The following PODXL2 variants were observed in gnomAD, a reference collection of about 807,000 sequenced individuals.
PODXL2 encodes the protein podocalyxin-like protein 2.
In PODXL2, 17 loss-of-function variants were observed where a neutral mutation model predicts 53.4. The ratio of observed to expected loss-of-function variants is 0.32; its 90% confidence interval spans 0.22 to 0.48. The LOEUF (loss-of-function observed/expected upper bound fraction) is 0.48. Among genes scored for constraint, PODXL2 ranks in the 20% least tolerant of loss-of-function variants. The pLI is 0.99. For missense variants in PODXL2, 673 were observed against 760.0 expected (o/e 0.89, Z 1.35); for synonymous variants, 311 against 306.7 (o/e 1.01, Z -0.15).
rs1044318104 is a variant in PODXL2, at chr3:127,629,608, G to C, written c.70+319G>C. 2.0e-5 allele frequency among the ~76,000 whole-genome samples: 3 copies of C among 152,048 alleles called. No individual in the cohort carries two copies. Among genetic ancestry groups the C allele is most frequent in the Non-Finnish European group, 4.4e-5 (3 of 67,964 alleles). On this transcript the variant is annotated intron_variant, in intron 1 of 7. Coordinates refer to ENST00000342480, the MANE Select transcript of PODXL2 (RefSeq NM_015720.4). The surrounding 1 kb of genome is among the most constrained non-coding windows in gnomAD (Gnocchi z 6.4). ...CCTCGCGGGCCGGGGGGGCGCGCAC[G>C]TGTGGGTGTGCATGTGTGTGCGTGT...
At chr3:127,650,872 G>A (rs1438736742) in intron 2 of PODXL2, among the ~76,000 whole-genome samples, 1 of 152,036 alleles carries the variant, frequency 6.6e-6, no homozygotes, top group Non-Finnish European at 1.5e-5. Context: ...TTTTAGCCAG[G>A]ATGGTCTCCA....
chr3:127,634,585 G>T (rs2074566151), intron 1 of PODXL2, among the ~76,000 whole-genome samples: 1 of 140,224 alleles, frequency 7.1e-6, no homozygotes, highest in South Asian at 2.3e-4. Flanking sequence ...AATTAGCTGG[G>T]CGTGGTGGCA....
At position 127,666,362 on chromosome 3, in the gene PODXL2, C is replaced by CT. The variant is rs58975531; in HGVS notation, c.1207-2064dup. 3.5e-3 allele frequency among the ~76,000 whole-genome samples: 493 copies of CT among 142,846 alleles called. 1 individual carries two copies. Among genetic ancestry groups the CT allele is most frequent in the African/African-American group, 6.3e-3 (242 of 38,270 alleles). 93.7% of individuals were successfully genotyped at this position (142,846 alleles called of 152,430 possible). ...GAAACTGAGGCTCAGAGAGGTACTT[C>CT]TTTTTTTTTTTTTTTGCTGACATCA... On this transcript the variant is annotated intron_variant, in intron 4 of 7. Transcript: ENST00000342480.
intron 2 of PODXL2, among the ~76,000 whole-genome samples, chr3:127,643,683 GGCTGGAGT>G (rs954197724): frequency 6.6e-6 from 1 of 151,564 alleles, no homozygotes; most frequent in Non-Finnish European, 1.5e-5. Flanking sequence ...TTGTACCTCA[GGCTGGAGT>G]GCAGCAGCAC....
intron 2 of PODXL2, among the ~76,000 whole-genome samples, chr3:127,644,111 T>A (rs1466328478): frequency 6.6e-6 from 1 of 152,060 alleles, no homozygotes; most frequent in Admixed American, 6.6e-5. Flanking sequence ...AAATGATATT[T>A]TGTTGCTGTT....
intron 1 of PODXL2, among the ~76,000 whole-genome samples, chr3:127,638,844 C>T (rs1374114630): frequency 1.3e-5 from 2 of 152,226 alleles, no homozygotes; most frequent in East Asian, 1.9e-4. Flanking sequence ...ACACTGTGTT[C>T]GTCCAATCAT....
intron 2 of PODXL2, among the ~76,000 whole-genome samples, chr3:127,644,187 C>G (rs1559874105): frequency 6.6e-6 from 1 of 152,186 alleles, no homozygotes; most frequent in Non-Finnish European, 1.5e-5. Context: ...TCTCTGCTTA[C>G]TGCAACCTCT....
At chr3:127,665,706 G>C (rs556340403) in intron 4 of PODXL2, among the ~76,000 whole-genome samples, 2 of 152,194 alleles carry the variant, frequency 1.3e-5, no homozygotes, top group African/African-American at 4.8e-5. Flanking sequence ...TCCTGAAATA[G>C]AGCTTCCATG....
rs369272880 is a variant in PODXL2 at position 127,660,736 on chromosome 3, G to A, written c.708G>A (p.Glu236=). 1.1e-5 allele frequency: 18 copies of A among 1,614,068 alleles called. No homozygotes were observed. In the East Asian group the frequency reaches 3.8e-4, roughly 34 times the overall value. The change falls in exon 3 of 8, where the codon GAG becomes GAA. Residue 236 remains glutamate (E), a synonymous_variant. Coordinates refer to ENST00000342480, the MANE Select transcript of PODXL2 (RefSeq NM_015720.4). ...GDQASSGVEV[E]SSMGPSLLLP... is the part of the protein sequence containing the mutation. ...AGGCCTCATCAGGTGTGGAGGTGGA[G>A]AGCAGCATGGGGCCCAGCTTGCTGC...
At chr3:127,671,357 A>C in intron 6 of PODXL2, 77 bp from the exon 7 acceptor site, 1 of 1,310,980 alleles carries the variant, frequency 7.6e-7, no homozygotes, top group Non-Finnish European at 1.1e-6. Flanking sequence ...TCCCCACCCG[A>C]GCCCAATGCA....
At chr3:127,642,524 AG>A (rs1410608957) in intron 2 of PODXL2, among the ~76,000 whole-genome samples, 1 of 152,090 alleles carries the variant, frequency 6.6e-6, no homozygotes, top group Non-Finnish European at 1.5e-5. Context: ...GAAGGGATGA[AG>A]ATGGGAGCCT....
Position 127,672,558 on chromosome 3 carries a change from A to G in PODXL2, c.*78A>G. 1 of 977,298 alleles carries G rather than the reference A, an allele frequency of 1.0e-6. No homozygotes were observed. Among genetic ancestry groups the G allele is most frequent in the South Asian group, 1.9e-5 (1 of 53,566 alleles). 60.5% of individuals were successfully genotyped at this position (977,298 alleles called of 1,614,324 possible). A position where few individuals can be genotyped will look rare whatever the true frequency, so the allele number is the denominator to read the frequency against. On this transcript the variant is annotated 3_prime_UTR_variant, in exon 8 of 8. Coordinates refer to ENST00000342480, the MANE Select transcript of PODXL2 (RefSeq NM_015720.4). ...CCGAAACGGACGGCCCGGAGCCCGC[A>G]CCAGCCCCGCGCCTACCCGGGCCGC... is the stretch of plus-strand genomic sequence containing the variant.
chr3:127,662,169 G>T, intron 3 of PODXL2, 68 bp from the exon 4 acceptor site: 1 of 1,395,968 alleles, frequency 7.2e-7, no homozygotes, highest in South Asian at 1.2e-5. Flanking sequence ...CCTCCGACCG[G>T]GGCTCTCTCC....
At chr3:127,648,163 A>G (rs1438385457) in intron 2 of PODXL2, among the ~76,000 whole-genome samples, 1 of 152,226 alleles carries the variant, frequency 6.6e-6, no homozygotes, top group African/African-American at 2.4e-5. Context: ...GGCAGAGCTA[A>G]ATCTCAAATC....
chr3:127,671,634 G>C, intron 7 of PODXL2, 21 bp downstream of exon 7: 1 of 1,608,356 alleles, frequency 6.2e-7, no homozygotes, highest in Admixed American at 1.7e-5. Context: ...GGACAGGTGG[G>C]GCTGGGGGCC....
intron 2 of PODXL2, among the ~76,000 whole-genome samples, chr3:127,651,231 C>G (rs563302894): frequency 6.6e-6 from 1 of 152,224 alleles, no homozygotes; most frequent in South Asian, 2.1e-4. Flanking sequence ...CCATTGCACT[C>G]CAGCCTGGGC....
chr3:127,663,501 G>A (rs1345264663), intron 4 of PODXL2, among the ~76,000 whole-genome samples: 7 of 152,178 alleles, frequency 4.6e-5, no homozygotes, highest in African/African-American at 1.2e-4. Context: ...ACATGCATGC[G>A]TTGAATCCAA....
At chr3:127,672,137 G>C (rs2074850195) in intron 7 of PODXL2, 131 bp from the exon 8 acceptor site, 11 of 660,542 alleles carry the variant, frequency 1.7e-5, no homozygotes, top group Middle Eastern at 8.0e-4. Context: ...TGCAGCAACA[G>C]AAAAGAAGGA....
rs1162858408 is a variant in PODXL2 at position 127,646,577 on chromosome 3, G to T, written c.349+7054G>T. On this transcript the variant is annotated intron_variant, in intron 2 of 7. Transcript: ENST00000342480. ...TAATTTTTGTATTTTTAGTGGAGAC[G>T]GGGTTTCCCCATGTTGGCCAGGATG... Among the ~76,000 whole-genome samples the T allele has an allele frequency of 2.6e-5, 4 of 152,034 alleles. No individual in the cohort carries two copies. In the South Asian group the frequency reaches 6.2e-4, roughly 24 times the overall value.
Sources: gnomAD v4.1 joint callset for allele counts (sites outside exome capture counted in the v4.1 genomes callset) on GRCh38, gnomAD v4.1.1 for gene constraint, Gnocchi (gnomAD v3.1) non-coding constraint, MANE v1.5 for transcripts, NCBI Gene and HGNC (gene_info 2026-07-23, HGNC 2026-07-21) for gene names.